The following DPYD variants were observed in gnomAD, a reference collection of about 807,000 sequenced individuals.
DPYD encodes the protein dihydropyrimidine dehydrogenase, also known as dihydropyrimidine dehydrogenase [NADP(+)].
DPYD carries 109 observed loss-of-function variants against 116.2 expected under a neutral mutation model. The ratio of observed to expected loss-of-function variants is 0.94; its 90% confidence interval spans 0.80 to 1.10. The LOEUF (loss-of-function observed/expected upper bound fraction) is 1.10. DPYD is among the 50% of genes least tolerant of loss of function. The pLI is 0.00. For missense variants in DPYD, 1,302 were observed against 1,254.5 expected, an observed-to-expected ratio of 1.04 and a Z score of -0.57; for synonymous variants, 440 against 432.0, an observed-to-expected ratio of 1.02 and a Z score of -0.23.
intron 8 of DPYD, among the ~76,000 whole-genome samples, chr1:97,639,136 C>T (rs962360469): frequency 3.9e-5 from 6 of 152,114 alleles, no homozygotes; most frequent in African/African-American, 1.4e-4. Flanking sequence ...ATTCAACCAG[C>T]ACTACCCATT....
chr1:97,882,651 T>C (rs561271923), intron 2 of DPYD, among the ~76,000 whole-genome samples: 2 of 152,158 alleles, frequency 1.3e-5, no homozygotes, highest in East Asian at 3.9e-4. Context: ...ATATCCGATC[T>C]ATGGTGTCAG....
intron 16 of DPYD, among the ~76,000 whole-genome samples, chr1:97,319,246 G>T (rs1410178736): frequency 6.6e-6 from 1 of 150,640 alleles, no homozygotes. Flanking sequence ...CACAACTGAA[G>T]GAAATAGAGA....
At chr1:97,536,073 T>C (rs1402164667) in intron 12 of DPYD, among the ~76,000 whole-genome samples, 1 of 152,192 alleles carries the variant, frequency 6.6e-6, no homozygotes, top group East Asian at 1.9e-4. Context: ...TTGACTTTAC[T>C]ACTTGCCATT....
chr1:97,736,529 AAAGC>A (rs1240786246), intron 4 of DPYD, among the ~76,000 whole-genome samples: 1 of 152,174 alleles, frequency 6.6e-6, no homozygotes, highest in African/African-American at 2.4e-5. Flanking sequence ...TTGACTAAAT[AAAGC>A]AATTATAATA....
intron 7 of DPYD, among the ~76,000 whole-genome samples, chr1:97,688,853 C>A (rs1387842071): frequency 6.6e-6 from 1 of 151,356 alleles, no homozygotes; most frequent in Non-Finnish European, 1.5e-5. Context: ...AACATGATGC[C>A]AAAATTGATA....
chr1:97,736,621 C>T (rs527621486), intron 4 of DPYD, among the ~76,000 whole-genome samples: 6 of 152,164 alleles, frequency 3.9e-5, no homozygotes, highest in African/African-American at 9.6e-5. Context: ...TAGAATTAAA[C>T]CTCATTCTAT....
At chr1:97,519,586 A>T (rs1648488387) in intron 12 of DPYD, among the ~76,000 whole-genome samples, 1 of 152,136 alleles carries the variant, frequency 6.6e-6, no homozygotes, top group South Asian at 2.1e-4. Context: ...CAACTTTTTC[A>T]GTTCTATGTA....
intron 13 of DPYD, chr1:97,514,237 G>A: frequency 1.0e-6 from 1 of 984,954 alleles, no homozygotes. Context: ...GAAAGACACA[G>A]CATCACAAAT....
chr1:97,309,633 G>A (rs1336842454), intron 16 of DPYD, among the ~76,000 whole-genome samples: 2 of 151,634 alleles, frequency 1.3e-5, no homozygotes, highest in African/African-American at 4.8e-5. Flanking sequence ...TGGCCTATTT[G>A]AAAATTTTGA....
chr1:97,521,803 TG>T (rs1351137112), intron 12 of DPYD, among the ~76,000 whole-genome samples: 1 of 152,110 alleles, frequency 6.6e-6, no homozygotes, highest in African/African-American at 2.4e-5. Context: ...AAACAAGAAA[TG>T]GGGAAAGGAT....
intron 16 of DPYD, among the ~76,000 whole-genome samples, chr1:97,329,320 A>G (rs188570883): frequency 2.2e-4 from 34 of 152,320 alleles, no homozygotes; most frequent in African/African-American, 7.9e-4. Context: ...TATTCAAAAT[A>G]AAGTATATGT....
rs976467109 is a variant in DPYD at position 97,754,766 on chromosome 1, G to A, written c.234-14287C>T. 4.6e-5 allele frequency among the ~76,000 whole-genome samples: 7 copies of A among 152,286 alleles called. No homozygotes were observed. In the East Asian group the frequency reaches 1.4e-3, roughly 29 times the overall value. On this transcript the variant is annotated intron_variant, in intron 3 of 22. Transcript: ENST00000370192. ...AATGCCCATCCTCAGATTATGTACA[G>A]GTGGGGTAATAGAAAGATAAGAGAT... is the stretch of plus-strand genomic sequence containing the variant.
chr1:97,735,520 CAAAAAAA>C (rs767245436), intron 4 of DPYD, among the ~76,000 whole-genome samples: 2 of 99,910 alleles, frequency 2.0e-5, no homozygotes, highest in African/African-American at 7.8e-5. Flanking sequence ...AATAAAAATA[CAAAAAAA>C]AAAAAAAAAA....
intron 7 of DPYD, among the ~76,000 whole-genome samples, chr1:97,686,581 G>C (rs927885897): frequency 7.4e-5 from 10 of 135,172 alleles, no homozygotes; most frequent in African/African-American, 2.8e-4. Flanking sequence ...AGCTTGCAGT[G>C]AGCCGAGATC....
At chr1:97,497,479 T>A (rs2786776) in intron 13 of DPYD, among the ~76,000 whole-genome samples, 3 of 151,524 alleles carry the variant, frequency 2.0e-5, no homozygotes, top group African/African-American at 7.3e-5. Context: ...GGGAAAAAAA[T>A]ATGGAAAGTG....
intron 5 of DPYD, among the ~76,000 whole-genome samples, chr1:97,709,581 T>C (rs920543130): frequency 2.0e-5 from 3 of 151,826 alleles, no homozygotes; most frequent in African/African-American, 7.2e-5. Flanking sequence ...CTCCATAATT[T>C]TCACATTACT....
At chr1:97,504,704 G>A (rs1260278676) in intron 13 of DPYD, among the ~76,000 whole-genome samples, 1 of 151,992 alleles carries the variant, frequency 6.6e-6, no homozygotes, top group Non-Finnish European at 1.5e-5. Context: ...CCATGAAAGT[G>A]AAAATACTCT....
At chr1:97,619,247 T>A (rs1213339625) in intron 8 of DPYD, among the ~76,000 whole-genome samples, 1 of 152,208 alleles carries the variant, frequency 6.6e-6, no homozygotes, top group South Asian at 2.1e-4. Flanking sequence ...TTGCTAGAGA[T>A]GCCTAATAAC....
intron 1 of DPYD, among the ~76,000 whole-genome samples, chr1:97,894,812 T>C (rs1310312613): frequency 6.6e-6 from 1 of 151,640 alleles, no homozygotes; most frequent in Non-Finnish European, 1.5e-5. Context: ...ATTTTAAAAT[T>C]TCATTACTTT....
Sources: gnomAD v4.1 joint callset for allele counts (sites outside exome capture counted in the v4.1 genomes callset) on GRCh38, gnomAD v4.1.1 for gene constraint, MANE v1.5 for transcripts, NCBI Gene and HGNC (gene_info 2026-07-23, HGNC 2026-07-21) for gene names.